Variants in FYB2 observed in about 807,000 individuals in gnomAD.
FYB2 encodes FYN binding protein 2.
Under a neutral mutation model 94.1 loss-of-function variants are expected in FYB2, and 103 were observed. That is an observed-to-expected ratio of 1.09 (90% confidence interval 0.93 to 1.29). The LOEUF is 1.29. FYB2 is among the 50% of genes most tolerant of loss of function. The pLI, the probability that FYB2 is intolerant of heterozygous loss-of-function variation, is 0.00. For missense variants in FYB2, 896 were observed against 841.5 expected (o/e 1.06, Z -0.80); for synonymous variants, 293 against 287.9 (o/e 1.02, Z -0.18).
At chr1:56,743,144 T>C (rs1259511356) in intron 11 of FYB2, among the ~76,000 whole-genome samples, 1 of 152,066 alleles carries the variant, frequency 6.6e-6, no homozygotes, top group Non-Finnish European at 1.5e-5. Context: ...ACTGTTGTAC[T>C]ATAAACTTCC....
chr1:56,757,734 C>CTTTCTTT (rs767362605), intron 6 of FYB2, among the ~76,000 whole-genome samples: 1 of 104,214 alleles, frequency 9.6e-6, no homozygotes, highest in African/African-American at 3.5e-5. Flanking sequence ...TTCTTTCTTT[C>CTTTCTTT]ATTCTTTCTT....
chr1:56,739,040 T>C (rs2100592956), intron 13 of FYB2, among the ~76,000 whole-genome samples: 1 of 152,170 alleles, frequency 6.6e-6, no homozygotes, highest in East Asian at 1.9e-4. Context: ...TGGCAGAGTC[T>C]GAGATCTATA....
At chr1:56,752,975 CT>C (rs1645236308) in intron 8 of FYB2, among the ~76,000 whole-genome samples, 1 of 152,052 alleles carries the variant, frequency 6.6e-6, no homozygotes, top group Non-Finnish European at 1.5e-5. Context: ...TGGACCTTGT[CT>C]TTCTTAATTA....
upstream of FYB2, among the ~76,000 whole-genome samples, chr1:56,820,070 A>G (rs1646972162): frequency 6.6e-6 from 1 of 152,050 alleles, no homozygotes; most frequent in Non-Finnish European, 1.5e-5. Flanking sequence ...TCTACCAAAA[A>G]TATAAAAAAA....
chr1:56,778,183 A>G (rs1327846781), intron 4 of FYB2, among the ~76,000 whole-genome samples: 1 of 152,094 alleles, frequency 6.6e-6, no homozygotes, highest in Non-Finnish European at 1.5e-5. Flanking sequence ...CTCTTTCTCA[A>G]CCACCAGGTC....
intron 15 of FYB2, among the ~76,000 whole-genome samples, chr1:56,732,821 AC>A (rs1366448738): frequency 6.6e-6 from 1 of 151,964 alleles, no homozygotes; most frequent in East Asian, 1.9e-4. Context: ...CTTACACTAT[AC>A]AAAAATCAAA....
At chr1:56,808,612 G>A (rs756009795) in intron 1 of FYB2, among the ~76,000 whole-genome samples, 3 of 152,266 alleles carry the variant, frequency 2.0e-5, no homozygotes, top group Non-Finnish European at 4.4e-5. Flanking sequence ...CAGCTGTGAG[G>A]GGCCAGCAAC....
rs541842495 is a variant in FYB2, at chr1:56,738,584, A to T, written c.1732+41T>A. 3.4e-5 allele frequency: 53 copies of T among 1,570,046 alleles called. No homozygotes were observed. In the South Asian group the frequency reaches 5.4e-4, roughly 16 times the overall value. On this transcript the variant is annotated intron_variant, in intron 14 of 19. Transcript: ENST00000343433. The stretch of plus-strand genomic sequence containing the variant: ...CTTTCCCTGCCTCTGAATATACAAA[A>T]GCTGAGTACTTTTGGTCTGCAATAA...
Position 56,774,444 on chromosome 1 carries a change from TCTA to T in FYB2, c.954-6509_954-6507del, listed in dbSNP as rs368593708. On this transcript the variant is annotated intron_variant, in intron 4 of 19. Transcript: ENST00000343433. ...TTTGTACTATTTTCCCTTTTACAAT[TCTA>T]CTACTTGTCCTTTCGAATTCTACCA... is the stretch of plus-strand genomic sequence containing the variant. 4.5e-4 allele frequency among the ~76,000 whole-genome samples: 69 copies of T among 152,282 alleles called. 1 individual carries two copies. In the South Asian group the frequency reaches 0.014, roughly 30 times the overall value.
intron 5 of FYB2, among the ~76,000 whole-genome samples, chr1:56,763,502 T>C (rs1645548964): frequency 6.6e-6 from 1 of 152,178 alleles, no homozygotes; most frequent in African/African-American, 2.4e-5. Context: ...GAGGAATTGT[T>C]CCTTTTTTTA....
chr1:56,825,546 T>C, the FYB2 span, among the ~76,000 whole-genome samples: 1 of 152,152 alleles, frequency 6.6e-6, no homozygotes, highest in Non-Finnish European at 1.5e-5. Context: ...ATTCACACTA[T>C]TCTCACCCTA....
chr1:56,773,255 A>G (rs1041980005), intron 4 of FYB2, among the ~76,000 whole-genome samples: 4 of 152,170 alleles, frequency 2.6e-5, no homozygotes, highest in Admixed American at 6.6e-5. Flanking sequence ...CAGCCCTGAA[A>G]GGTCCCCGCA....
intron 2 of FYB2, among the ~76,000 whole-genome samples, chr1:56,790,434 G>A (rs1224888192): frequency 6.6e-6 from 1 of 152,144 alleles, no homozygotes; most frequent in Non-Finnish European, 1.5e-5. Context: ...TTTTTACCAG[G>A]CACTGTGCTA....
At chr1:56,773,972 T>G (rs914698610) in intron 4 of FYB2, among the ~76,000 whole-genome samples, 2 of 152,148 alleles carry the variant, frequency 1.3e-5, no homozygotes, top group Non-Finnish European at 2.9e-5. Flanking sequence ...ACCCTACTCA[T>G]AGCCCTTCAC....
the FYB2 span, among the ~76,000 whole-genome samples, chr1:56,826,192 G>T: frequency 6.6e-6 from 1 of 152,170 alleles, no homozygotes; most frequent in East Asian, 1.9e-4. Flanking sequence ...CCCCTCTATG[G>T]GGGGTTGTAG....
At chr1:56,826,088 A>T in the FYB2 span, among the ~76,000 whole-genome samples, 10 of 152,328 alleles carry the variant, frequency 6.6e-5, no homozygotes, top group East Asian at 1.9e-3. Context: ...CAAAGTAGGC[A>T]TAATCTTTGC....
intron 1 of FYB2, among the ~76,000 whole-genome samples, chr1:56,796,745 G>C (rs1269038913): frequency 6.6e-6 from 1 of 152,116 alleles, no homozygotes; most frequent in African/African-American, 2.4e-5. Flanking sequence ...TCACTAAATT[G>C]CTGACATTCT....
intron 5 of FYB2, 49 bp downstream of exon 5, chr1:56,767,780 A>G (rs771851848): frequency 7.3e-7 from 1 of 1,375,784 alleles, no homozygotes; most frequent in South Asian, 1.3e-5. Flanking sequence ...TTTTTGACAC[A>G]TTTTCATTCC....
At chr1:56,806,228 C>G (rs1343612180) in intron 1 of FYB2, among the ~76,000 whole-genome samples, 1 of 152,108 alleles carries the variant, frequency 6.6e-6, no homozygotes, top group Admixed American at 6.6e-5. Context: ...AGAGGCAGGA[C>G]AGGGAACACC....
Sources: allele counts gnomAD v4.1 joint callset (sites outside exome capture counted in the v4.1 genomes callset), GRCh38; gene constraint gnomAD v4.1.1; transcripts MANE v1.5; gene names NCBI Gene and HGNC (gene_info 2026-07-23, HGNC 2026-07-21).